Variants in WIPI2 observed in about 807,000 individuals in gnomAD.
WIPI2 encodes WD repeat domain, phosphoinositide interacting 2, also known as WD repeat domain phosphoinositide-interacting protein 2.
In WIPI2, 28 loss-of-function variants were observed where a neutral mutation model predicts 52.3. That is an observed-to-expected ratio of 0.54 (90% CI 0.40 to 0.73). The LOEUF (loss-of-function observed/expected upper bound fraction) is 0.73, where lower values mean the gene tolerates loss of function less well. Ranked by LOEUF, WIPI2 falls within the 30% of genes least tolerant of loss-of-function variation. The pLI, the probability that WIPI2 is intolerant of heterozygous loss-of-function variation, is 0.00. For missense variants in WIPI2, 506 were observed against 602.9 expected (o/e 0.84, Z 1.68); for synonymous variants, 268 against 245.0 (o/e 1.09, Z -0.88).
Position 5,227,104 on chromosome 7 carries a change from G to C in WIPI2, c.849-76G>C, listed in dbSNP as rs2115317335. On this transcript the variant is annotated intron_variant, in intron 9 of 12. Transcript: ENST00000288828. The surrounding 1 kb of genome is among the most constrained non-coding windows in gnomAD (Gnocchi z 8.1). Reference sequence around the variant, plus strand: ...CTTTTGCTGTCGGCTCCAGAGCTGTGCGTCTGTGTGAGTAGGGGGTGGCCG... The same window carrying C: ...CTTTTGCTGTCGGCTCCAGAGCTGTCCGTCTGTGTGAGTAGGGGGTGGCCG... 15 of 1,575,190 alleles carry C rather than the reference G, an allele frequency of 9.5e-6. 1 individual carries two copies. The South Asian group carries it at 1.7e-4, about 18-fold the overall frequency.
intron 7 of WIPI2, among the ~76,000 whole-genome samples, chr7:5,219,233 C>T (rs1782970599): frequency 6.6e-6 from 1 of 152,244 alleles, no homozygotes; most frequent in African/African-American, 2.4e-5. Flanking sequence ...CCCGGGGCCG[C>T]CCAACTGGGC....
rs1783406639 is a variant in WIPI2, at chr7:5,225,889, T to C, written c.807T>C (p.Thr269=). The change falls in exon 9 of 13, where the codon ACT becomes ACC. Residue 269 remains threonine (T), a synonymous_variant. Transcript: ENST00000288828. ...DGMFLSASSN[T]ETVHIFKLET... ...TGTTCCTCTCCGCCTCCAGCAACAC[T>C]GAGACCGTGCACATCTTCAAACTCG... is the stretch of plus-strand genomic sequence containing the variant. 6.2e-6 allele frequency: 10 copies of C among 1,613,852 alleles called. No homozygotes were observed. The highest frequency in any genetic ancestry group is 1.3e-5 in the African/African-American group (1 of 74,918).
intron 2 of WIPI2, among the ~76,000 whole-genome samples, chr7:5,195,646 T>G (rs1404766599): frequency 2.6e-5 from 4 of 152,242 alleles, no homozygotes; most frequent in Non-Finnish European, 5.9e-5. Flanking sequence ...CAGGTCAATT[T>G]TGAAATTGTT....
In WIPI2 at chr7:5,190,371, C is replaced by T; in HGVS notation, c.-49C>T. On this transcript the variant is annotated 5_prime_UTR_variant, in exon 1 of 13. Coordinates refer to ENST00000288828, the MANE Select transcript of WIPI2 (RefSeq NM_015610.4). ...GACCCTGAGTGCAGCCTGACCCGCC[C>T]TCGCGCGCGCGCCCTCCCCGGCCGG... The T allele has an allele frequency of 7.7e-6, 10 of 1,298,274 alleles. No individual in the cohort carries two copies. Among genetic ancestry groups the T allele is most frequent in the Non-Finnish European group, 9.8e-6 (10 of 1,016,774 alleles). The allele number at this position is 1,298,274 out of a possible 1,614,324, so 80.4% of individuals were successfully genotyped here. A position where few individuals can be genotyped will look rare whatever the true frequency, so the allele number is the denominator to read the frequency against.
At chr7:5,214,192 A>G in intron 3 of WIPI2, 1 of 1,140,650 alleles carries the variant, frequency 8.8e-7, no homozygotes, top group Non-Finnish European at 1.1e-6. Flanking sequence ...TTGTGTCTTA[A>G]TTAAGGGAGC....
chr7:5,223,885 A>G (rs1783279896), intron 8 of WIPI2, among the ~76,000 whole-genome samples: 1 of 151,994 alleles, frequency 6.6e-6, no homozygotes, highest in Non-Finnish European at 1.5e-5. Flanking sequence ...GGGAGCTCCC[A>G]CCTGTGGGCC....
chr7:5,199,948 C>G (rs1781944039), intron 3 of WIPI2, among the ~76,000 whole-genome samples: 1 of 152,202 alleles, frequency 6.6e-6, no homozygotes, highest in Non-Finnish European at 1.5e-5. Context: ...ACTTCTCTCC[C>G]TTTTAATGCC....
In WIPI2 at chr7:5,230,861, G is replaced by C; in HGVS notation, c.1279G>C (p.Gly427Arg). ...CTACACAGACGACCTGGGTGCTGTG[G>C]GTGGCGCCTGCCTGGAGGACGAGGC... ...LAYTDDLGAV[G>R]GACLEDEASA... Residue 427 changes from glycine to arginine, a missense_variant, in exon 13 of 13, where the codon GGT becomes CGT. By Grantham distance (125) the Gly-to-Arg change is moderately radical. Transcript: ENST00000288828. This position sits in a 1 kb window ranked among gnomAD's most constrained non-coding sequence, Gnocchi z 4.8. The C allele has an allele frequency of 6.2e-7, 1 of 1,613,802 alleles. No homozygotes were observed. Among genetic ancestry groups the C allele is most frequent in the Non-Finnish European group, 8.5e-7 (1 of 1,179,874 alleles).
At position 5,191,719 on chromosome 7, in the gene WIPI2, A is replaced by G. The variant is rs146696988; in HGVS notation, c.74+1226A>G. On this transcript the variant is annotated intron_variant, in intron 1 of 12. Transcript: ENST00000288828. Reference sequence around the variant, plus strand: ...GGGGCATTTGGCATCTTACTAAGTCATTGGTTGAGTTGTTACTGGCTGAGT... The same window carrying G: ...GGGGCATTTGGCATCTTACTAAGTCGTTGGTTGAGTTGTTACTGGCTGAGT... Among the ~76,000 whole-genome samples the G allele has an allele frequency of 1.1e-4, 16 of 152,300 alleles. No homozygotes were observed. In the East Asian group the frequency reaches 3.1e-3, roughly 29 times the overall value.
At chr7:5,194,252 G>C (rs1265911634) in intron 2 of WIPI2, among the ~76,000 whole-genome samples, 1 of 152,224 alleles carries the variant, frequency 6.6e-6, no homozygotes, top group Non-Finnish European at 1.5e-5. Flanking sequence ...AGCCCTGAAA[G>C]AGAGGGCACC....
chr7:5,190,529 GC>G, intron 1 of WIPI2, 36 bp downstream of exon 1: 1 of 1,460,946 alleles, frequency 6.8e-7, no homozygotes, highest in Non-Finnish European at 9.1e-7. Context: ...TCGGGGTGAG[GC>G]CAGGGTCGGA....
intron 1 of WIPI2, among the ~76,000 whole-genome samples, chr7:5,192,708 C>A (rs554704569): frequency 6.6e-6 from 1 of 151,956 alleles, no homozygotes; most frequent in Non-Finnish European, 1.5e-5. Context: ...GCTAAAATGA[C>A]GGTAATTTGT....
chr7:5,227,954 C>T lies in WIPI2; in HGVS notation c.1014-150C>T, dbSNP rs77694525. 7.8e-3 allele frequency: 5,882 copies of T among 750,052 alleles called. 41 individuals are homozygous for T. Among genetic ancestry groups the T allele is most frequent in the Non-Finnish European group, 0.01 (4,431 of 434,406 alleles). 46.5% of individuals were successfully genotyped at this position (750,052 alleles called of 1,614,324 possible). A position where few individuals can be genotyped will look rare whatever the true frequency, so the allele number is the denominator to read the frequency against. On this transcript the variant is annotated intron_variant, in intron 10 of 12. Coordinates refer to ENST00000288828, the MANE Select transcript of WIPI2 (RefSeq NM_015610.4). This position sits in a 1 kb window ranked among gnomAD's most constrained non-coding sequence, Gnocchi z 8.1. ...CGAGTGCAGCCTTGGCCGTGTGAGCCGAGGTCAGTGGGGCGCCAGACACCT... is the reference window on the plus strand; with the variant it reads ...CGAGTGCAGCCTTGGCCGTGTGAGCTGAGGTCAGTGGGGCGCCAGACACCT...
In WIPI2 at chr7:5,231,759, T is replaced by C. The variant is rs1365556012; in HGVS notation, c.*812T>C. ...TTGAAAAACTGTGTGATTTTTTTTT[T>C]TTTTTAAGTAAAGTTTGTAGCTCCT... On this transcript the variant is annotated 3_prime_UTR_variant, in exon 13 of 13. Transcript: ENST00000288828. The C allele has an allele frequency of 6.3e-6, 1 of 159,430 alleles. No homozygotes were observed. The highest frequency in any genetic ancestry group is 2.4e-5 in the African/African-American group (1 of 41,686). The allele number at this position is 159,430 out of a possible 1,614,324, so 9.9% of individuals were successfully genotyped here. A position where few individuals can be genotyped will look rare whatever the true frequency, so the allele number is the denominator to read the frequency against.
chr7:5,209,149 A>T (rs1027157124), intron 3 of WIPI2, among the ~76,000 whole-genome samples: 1 of 151,782 alleles, frequency 6.6e-6, no homozygotes, highest in African/African-American at 2.4e-5. Flanking sequence ...GCCTAAACAT[A>T]TAGTTAATTT....
intron 7 of WIPI2, among the ~76,000 whole-genome samples, chr7:5,219,483 C>A (rs1304154199): frequency 3.9e-5 from 6 of 151,944 alleles, no homozygotes; most frequent in Admixed American, 1.3e-4. Flanking sequence ...TAAAGAGGAA[C>A]CTTGATTGCT....
At chr7:5,205,750 C>G (rs373252502) in intron 3 of WIPI2, among the ~76,000 whole-genome samples, 67 of 152,216 alleles carry the variant, frequency 4.4e-4, no homozygotes, top group African/African-American at 1.5e-3. Flanking sequence ...TCAAGTGATC[C>G]ACCTGCCTCT....
chr7:5,229,720 T>C lies in WIPI2; in HGVS notation c.1234T>C (p.Ser412Pro), dbSNP rs1783630944. 3 of 1,613,966 alleles carry C rather than the reference T, an allele frequency of 1.9e-6. No individual in the cohort carries two copies. In the East Asian group the frequency reaches 6.7e-5, roughly 36 times the overall value. The change falls in exon 12 of 13, where the codon TCA (serine) becomes CCA (proline). Residue 412 changes from serine (S) to proline (P), a missense_variant. Physicochemically the swap from Ser to Pro is moderately conservative, Grantham distance 74. This residue lies in a region of WIPI2 where 194 missense variants were observed against 175.1 expected (regional missense o/e 1.11). Coordinates refer to ENST00000288828, the MANE Select transcript of WIPI2 (RefSeq NM_015610.4). ...AAAGKGTYVP[S>P]SPTRLAYTDD... ...TGCAGGAAAAGGTACTTACGTGCCT[T>C]CATCCCCAACGAGACTTGGTAAGGG...
Position 5,227,343 on chromosome 7 carries a change from A to G in WIPI2, c.1012A>G (p.Thr338Ala). The G allele has an allele frequency of 6.2e-7, 1 of 1,612,822 alleles. No homozygotes were observed. The highest frequency in any genetic ancestry group is 8.5e-7 in the Non-Finnish European group (1 of 1,179,986). The change falls in exon 10 of 13, where the codon ACA becomes GCA. Residue 338 changes from threonine (T) to alanine (A), a missense_variant and splice_region_variant. Thr to Ala is a moderately conservative substitution (Grantham distance 58). Around this residue, in one of 4 missense-constraint regions of WIPI2, gnomAD observed 194 missense variants for 175.1 expected, o/e 1.11. Transcript: ENST00000288828. The surrounding 1 kb of genome is among the most constrained non-coding windows in gnomAD (Gnocchi z 8.1). ...CCACAAAAACATCTGCTCGCTAGCC[A>G]CGTGAGTAGAGCCGGCGCCTCCGTC... is the stretch of plus-strand genomic sequence containing the variant. ...CGHKNICSLA[T>A]IQKIPRLLVG... is the part of the protein sequence containing the mutation.
Sources: gnomAD v4.1 joint callset for allele counts (sites outside exome capture counted in the v4.1 genomes callset) on GRCh38, gnomAD v4.1.1 for gene constraint, gnomAD v4.1.1 regional missense constraint, Gnocchi (gnomAD v3.1) non-coding constraint, MANE v1.5 for transcripts, NCBI Gene and HGNC (gene_info 2026-07-23, HGNC 2026-07-21) for gene names.